Variants in DMD observed in about 807,000 individuals in gnomAD.
DMD encodes the protein dystrophin, also known as mutant dystrophin.
DMD carries 63 observed loss-of-function variants against 330.1 expected under a neutral mutation model. That is an observed-to-expected ratio of 0.19 (90% CI 0.16 to 0.24). The LOEUF is 0.24. Among genes scored for constraint, DMD ranks in the 10% least tolerant of loss-of-function variants. The pLI is 1.00. For synonymous variants in DMD, 1,223 were observed against 959.8 expected, an observed-to-expected ratio of 1.27 and a Z score of -5.07; for missense variants, 3,344 against 2,684.1, an observed-to-expected ratio of 1.25 and a Z score of -5.43.
chrX:32,325,801 AT>A (rs56390411), intron 41 of DMD, among the ~76,000 whole-genome samples: 2,363 of 81,559 alleles, frequency 0.029, 53 homozygotes, highest in African/African-American at 0.085. Flanking sequence ...TAAGTACTCA[AT>A]TTTTTTTTTT....
intron 1 of DMD, among the ~76,000 whole-genome samples, chrX:33,285,585 C>G (rs1453862739): frequency 8.9e-6 from 1 of 111,766 alleles, no homozygotes; most frequent in Admixed American, 9.5e-5. Flanking sequence ...TAATTTTTCT[C>G]CCTTCTCTGG....
At position 31,932,071 on chromosome X, in the gene DMD, T is replaced by G. The variant is rs992466210; in HGVS notation, c.6762+9A>C. 9.1e-6 allele frequency: 11 copies of G among 1,208,727 alleles called. No individual in the cohort carries two copies. The highest frequency in any genetic ancestry group is 1.0e-5 in the Non-Finnish European group (9 of 894,547). Reference sequence around the variant, plus strand: ...GCAGGCCCTGGGGGATTTGAGAAAATAAAATTACCTTGACTTGCTCAAGCT... The same window carrying G: ...GCAGGCCCTGGGGGATTTGAGAAAAGAAAATTACCTTGACTTGCTCAAGCT... On this transcript the variant is annotated intron_variant, in intron 46 of 78. Coordinates refer to ENST00000357033, the MANE Select transcript of DMD (RefSeq NM_004006.3).
chrX:32,506,404 C>G (rs1603635069), intron 18 of DMD, among the ~76,000 whole-genome samples: 1 of 68,180 alleles, frequency 1.5e-5, no homozygotes, highest in African/African-American at 6.1e-5. Flanking sequence ...GATTCAATAT[C>G]AAGAGTACAA....
chrX:31,827,623 A>G (rs2092921057), intron 49 of DMD, among the ~76,000 whole-genome samples: 2 of 112,117 alleles, frequency 1.8e-5, no homozygotes, highest in Admixed American at 1.9e-4. Flanking sequence ...TAGAATATAC[A>G]TTCTTATCAG....
chrX:31,770,732 T>C (rs747467787), intron 51 of DMD, among the ~76,000 whole-genome samples: 1 of 111,719 alleles, frequency 9.0e-6, no homozygotes, highest in Non-Finnish European at 1.9e-5. Flanking sequence ...TCATTGTCTT[T>C]CTTCCTCGAT....
intron 7 of DMD, among the ~76,000 whole-genome samples, chrX:32,805,939 A>C (rs1391309741): frequency 1.8e-5 from 2 of 112,267 alleles, no homozygotes; most frequent in Admixed American, 9.5e-5. Flanking sequence ...GGAAGCACTA[A>C]ATATGGCAAG....
intron 1 of DMD, among the ~76,000 whole-genome samples, chrX:33,133,496 C>T (rs185131688): frequency 9.0e-6 from 1 of 111,139 alleles, no homozygotes. Flanking sequence ...AGCTTGTAAA[C>T]ACATTACCCA....
rs770453550 is a variant in DMD, at chrX:31,233,653, C to T, written c.9287-10532G>A. 1.2e-3 allele frequency among the ~76,000 whole-genome samples: 129 copies of T among 112,051 alleles called. 1 individual carries two copies. Among genetic ancestry groups the T allele is most frequent in the African/African-American group, 4.0e-3 (125 of 30,869 alleles). On this transcript the variant is annotated intron_variant, in intron 63 of 78. Transcript: ENST00000357033. ...AATAAATAACAGTAAATTTCCTCAT[C>T]TGCTTTAACCTCATCTTTTGCCCCT...
chrX:32,909,423 G>A (rs1248645544), intron 2 of DMD, among the ~76,000 whole-genome samples: 1 of 111,518 alleles, frequency 9.0e-6, no homozygotes, highest in Admixed American at 9.6e-5. Context: ...TTCCGTGGGG[G>A]TAATGAGGAG....
chrX:31,474,249 A>G (rs1205881753), intron 59 of DMD, among the ~76,000 whole-genome samples: 2 of 111,862 alleles, frequency 1.8e-5, no homozygotes, highest in Non-Finnish European at 3.8e-5. Context: ...TAAATCCAAA[A>G]GCCACATTTG....
intron 1 of DMD, among the ~76,000 whole-genome samples, chrX:33,145,822 T>C (rs895102765): frequency 9.0e-6 from 1 of 110,757 alleles, no homozygotes; most frequent in Non-Finnish European, 1.9e-5. Context: ...TCTTTTAAAG[T>C]GCACAATTCA....
At chrX:32,597,543 C>A (rs927839741) in intron 12 of DMD, among the ~76,000 whole-genome samples, 12 of 111,716 alleles carry the variant, frequency 1.1e-4, no homozygotes, top group Non-Finnish European at 3.8e-5. Flanking sequence ...CAGAAAATAA[C>A]CACTTGGTCT....
chrX:33,162,890 A>G (rs1267886065), intron 1 of DMD, among the ~76,000 whole-genome samples: 1 of 110,957 alleles, frequency 9.0e-6, no homozygotes, highest in Non-Finnish European at 1.9e-5. Flanking sequence ...ATAGCATTTT[A>G]CTGCTTCTGA....
chrX:32,271,389 C>A (rs1188782305), intron 43 of DMD, among the ~76,000 whole-genome samples: 1 of 112,476 alleles, frequency 8.9e-6, no homozygotes, highest in Non-Finnish European at 1.9e-5. Context: ...GTATTTCAGG[C>A]AGAAATCTCT....
chrX:31,211,348 C>A (rs2044655024), intron 64 of DMD, among the ~76,000 whole-genome samples: 1 of 112,030 alleles, frequency 8.9e-6, no homozygotes. Flanking sequence ...CACTTAGAAA[C>A]ACGGTATGCC....
intron 62 of DMD, among the ~76,000 whole-genome samples, chrX:31,273,752 A>AGCT (rs1258706207): frequency 9.0e-6 from 1 of 111,630 alleles, no homozygotes; most frequent in Non-Finnish European, 1.9e-5. Flanking sequence ...CAGCAAGCGT[A>AGCT]GCTGTGTATT....
At chrX:32,657,570 C>T (rs746587286) in intron 9 of DMD, among the ~76,000 whole-genome samples, 37 of 111,500 alleles carry the variant, frequency 3.3e-4, no homozygotes, top group Middle Eastern at 4.7e-3. Context: ...GTAAACAAAC[C>T]GACATTCCTT....
chrX:31,882,023 GC>G (rs1405037678), intron 47 of DMD, among the ~76,000 whole-genome samples: 1 of 112,055 alleles, frequency 8.9e-6, no homozygotes, highest in African/African-American at 3.2e-5. Flanking sequence ...AAAGATATCT[GC>G]CCTCTCTTCA....
Position 31,627,699 on chromosome X carries a change from C to T in DMD, c.8191G>A (p.Val2731Ile), listed in dbSNP as rs1292658885. 4 of 1,211,510 alleles carry T rather than the reference C, an allele frequency of 3.3e-6. No homozygotes were observed. Among genetic ancestry groups the T allele is most frequent in the Middle Eastern group, 2.3e-4 (1 of 4,287 alleles). ...TGCCATTGTTTCATCAGCTCTTTTACTCCCTTGGAGTCTTCTAGGAGCCTT... is the reference window on the plus strand; with the variant it reads ...TGCCATTGTTTCATCAGCTCTTTTATTCCCTTGGAGTCTTCTAGGAGCCTT... ...KERLLEDSKG[V>I]KELMKQWQDL... Residue 2731 changes from valine (V) to isoleucine (I), a missense_variant, in exon 55 of 79, where the codon GTA (valine) becomes ATA (isoleucine). By Grantham distance (29) the Val-to-Ile change is conservative (BLOSUM62 3). Coordinates refer to ENST00000357033, the MANE Select transcript of DMD (RefSeq NM_004006.3).
Sources: allele counts gnomAD v4.1 joint callset (sites outside exome capture counted in the v4.1 genomes callset), GRCh38; gene constraint gnomAD v4.1.1; transcripts MANE v1.5; gene names NCBI Gene and HGNC (gene_info 2026-07-23, HGNC 2026-07-21).